The following TBCEL variants were observed in gnomAD, a reference collection of about 807,000 sequenced individuals.
TBCEL encodes tubulin-specific chaperone cofactor E-like protein.
In TBCEL, 15 loss-of-function variants were observed where a neutral mutation model predicts 44.2. The observed-to-expected ratio is 0.34, with a 90% CI of 0.23 to 0.52. The LOEUF (loss-of-function observed/expected upper bound fraction) is 0.52. Ranked by LOEUF, TBCEL falls within the 20% of genes least tolerant of loss-of-function variation. The probability of loss-of-function intolerance (pLI) is 0.95; values close to 1 mark genes in which losing one functional copy is unlikely to be tolerated. For synonymous variants in TBCEL, 171 were observed against 185.4 expected, an observed-to-expected ratio of 0.92 and a Z score of 0.63; for missense variants, 319 against 506.3, an observed-to-expected ratio of 0.63 and a Z score of 3.55.
chr11:121,035,610 G>T (rs1945217832), intron 1 of TBCEL: 1 of 152,076 alleles, frequency 6.6e-6, no homozygotes, highest in Non-Finnish European at 1.5e-5. Flanking sequence ...TGAACTAGTG[G>T]TCTGTTCCTA....
intron 1 of TBCEL, among the ~76,000 whole-genome samples, chr11:121,030,742 T>A (rs1296141226): frequency 6.6e-6 from 1 of 152,210 alleles, no homozygotes; most frequent in Non-Finnish European, 1.5e-5. Context: ...TATTCTGAAT[T>A]TTGTGTTTTT....
At chr11:121,053,771 C>T (rs774942887) in intron 5 of TBCEL, 39 bp downstream of exon 5, 16 of 1,598,952 alleles carry the variant, frequency 1.0e-5, no homozygotes, top group East Asian at 2.2e-5. Context: ...AGTTATGTTG[C>T]CATCTGTGTT....
intron 8 of TBCEL, among the ~76,000 whole-genome samples, chr11:121,073,301 C>T (rs1167863841): frequency 6.6e-6 from 1 of 151,864 alleles, no homozygotes; most frequent in Non-Finnish European, 1.5e-5. Flanking sequence ...TTTCATTTAA[C>T]TCAGAATATT....
At position 121,051,438 on chromosome 11, in the gene TBCEL, A is replaced by G. The variant is rs538666896; in HGVS notation, c.274-2113A>G. ...TTATTCTTCGTGCTTTAGTTGGAGCATAATTCCTGTCCCCCTCCAACCTCC... is the reference window on the plus strand; with the variant it reads ...TTATTCTTCGTGCTTTAGTTGGAGCGTAATTCCTGTCCCCCTCCAACCTCC... On this transcript the variant is annotated intron_variant, in intron 4 of 8. Coordinates refer to ENST00000683345, the MANE Select transcript of TBCEL (RefSeq NM_001363644.2). Among the ~76,000 whole-genome samples, 256 of 151,762 alleles carry G rather than the reference A, an allele frequency of 1.7e-3. 3 individuals are homozygous for G. Among genetic ancestry groups the G allele is most frequent in the Non-Finnish European group, 5.0e-4 (34 of 67,794 alleles).
chr11:121,042,472 G>T (rs1241243328), intron 2 of TBCEL, among the ~76,000 whole-genome samples: 1 of 152,126 alleles, frequency 6.6e-6, no homozygotes, highest in East Asian at 1.9e-4. Context: ...CACACTCAGT[G>T]TTGGAATAGA....
At chr11:121,024,504 A>G (rs1030187808) in intron 1 of TBCEL, among the ~76,000 whole-genome samples, 15 of 121,124 alleles carry the variant, frequency 1.2e-4, no homozygotes, top group African/African-American at 2.1e-4. Context: ...GGCCTGGGCT[A>G]TGGCGGAGCT....
chr11:121,052,151 A>G (rs1432512005), intron 4 of TBCEL, among the ~76,000 whole-genome samples: 1 of 151,828 alleles, frequency 6.6e-6, no homozygotes, highest in Admixed American at 6.6e-5. Context: ...GGTTCATATT[A>G]TGCTTATGTT....
At chr11:121,078,484 G>A (rs1037050209) in intron 8 of TBCEL, among the ~76,000 whole-genome samples, 8 of 152,200 alleles carry the variant, frequency 5.3e-5, no homozygotes, top group Admixed American at 5.2e-4. Context: ...CATATTCCTA[G>A]TCTTAAGCAC....
chr11:121,025,812 A>G (rs1285315106), intron 1 of TBCEL, among the ~76,000 whole-genome samples: 1 of 151,866 alleles, frequency 6.6e-6, no homozygotes, highest in Admixed American at 6.6e-5. Flanking sequence ...ACCACGTAGC[A>G]TATTTGACCT....
At chr11:121,079,788 C>CCCAA (rs1225824634) in intron 8 of TBCEL, among the ~76,000 whole-genome samples, 1 of 152,178 alleles carries the variant, frequency 6.6e-6, no homozygotes, top group Non-Finnish European at 1.5e-5. Context: ...TTGAATCCCT[C>CCCAA]CCAATGCCTT....
chr11:121,050,886 G>C (rs1220787382), intron 4 of TBCEL, among the ~76,000 whole-genome samples: 2 of 151,628 alleles, frequency 1.3e-5, no homozygotes, highest in Non-Finnish European at 3.0e-5. Context: ...ATTCCAGTTA[G>C]AGGAGTCTTT....
chr11:121,025,333 T>C (rs1028192480), intron 1 of TBCEL, among the ~76,000 whole-genome samples: 16 of 152,000 alleles, frequency 1.1e-4, no homozygotes, highest in Admixed American at 3.3e-4. Context: ...TGCTGAGGAC[T>C]AAGGAAAACA....
At chr11:121,047,467 GA>G in intron 3 of TBCEL, 60 bp from the exon 4 acceptor site, 3 of 1,595,030 alleles carry the variant, frequency 1.9e-6, no homozygotes, top group Non-Finnish European at 2.6e-6. Flanking sequence ...CCTGGGGGCT[GA>G]ACATATGTAG....
intron 3 of TBCEL, among the ~76,000 whole-genome samples, chr11:121,046,873 C>T (rs1319366194): frequency 1.1e-4 from 17 of 152,062 alleles, no homozygotes; most frequent in Non-Finnish European, 1.8e-4. Context: ...GAAACACTTT[C>T]TTCCATTACA....
intron 3 of TBCEL, 45 bp from the exon 4 acceptor site, chr11:121,047,483 G>T: frequency 6.2e-7 from 1 of 1,605,646 alleles, no homozygotes. Flanking sequence ...ATGTAGACAA[G>T]AATTTGGCTG....
intron 4 of TBCEL, among the ~76,000 whole-genome samples, chr11:121,050,577 TTGTC>T (rs750115741): frequency 2.0e-5 from 3 of 151,622 alleles, no homozygotes; most frequent in Non-Finnish European, 4.4e-5. Context: ...GAGTAGATCT[TTGTC>T]TGACCTTTCC....
At chr11:121,032,085 A>T (rs1003980499) in intron 1 of TBCEL, among the ~76,000 whole-genome samples, 4 of 152,202 alleles carry the variant, frequency 2.6e-5, no homozygotes, top group Non-Finnish European at 5.9e-5. Flanking sequence ...TTTTTTCTCA[A>T]GGAGATAAAG....
At chr11:121,086,698 T>C (rs1400993187) in intron 8 of TBCEL, 80 bp from the exon 9 acceptor site, 1 of 1,027,320 alleles carries the variant, frequency 9.7e-7, no homozygotes, top group Non-Finnish European at 1.4e-6. Context: ...CTAGTAATAT[T>C]GTTTATCTGT....
At position 121,086,814 on chromosome 11, in the gene TBCEL, G is replaced by A. The variant is rs763004170; in HGVS notation, c.993G>A (p.Glu331=). ...HELITKYGKL[E]PLAEVDLRPQ... The stretch of plus-strand genomic sequence containing the variant: ...TGATCACTAAATATGGGAAGTTGGA[G>A]CCTTTGGCAGAAGTGGACCTAAGAC... The change falls in exon 9 of 9, where the codon GAG becomes GAA. Residue 331 remains glutamate, a synonymous_variant. Transcript: ENST00000683345. 14 of 1,613,794 alleles carry A rather than the reference G, an allele frequency of 8.7e-6. No individual in the cohort carries two copies. Among genetic ancestry groups the A allele is most frequent in the South Asian group, 1.1e-5 (1 of 91,052 alleles).
Sources: gnomAD v4.1 joint callset for allele counts (sites outside exome capture counted in the v4.1 genomes callset) on GRCh38, gnomAD v4.1.1 for gene constraint, MANE v1.5 for transcripts, NCBI Gene and HGNC (gene_info 2026-07-23, HGNC 2026-07-21) for gene names.